Variants in ZNF431 observed in about 807,000 individuals in gnomAD.
ZNF431 encodes zinc finger protein 431.
Under a neutral mutation model 57.0 loss-of-function variants are expected in ZNF431, and 34 were observed. The observed-to-expected ratio is 0.60, with a 90% CI of 0.45 to 0.79. ZNF431 has a LOEUF of 0.79. ZNF431 is among the 30% of genes least tolerant of loss of function. ZNF431 has a pLI of 0.00. For synonymous variants in ZNF431, 207 were observed against 220.3 expected (o/e 0.94, Z 0.54); for missense variants, 607 against 667.1 (o/e 0.91, Z 0.99).
Position 21,182,959 on chromosome 19 carries a change from T to G in ZNF431, c.656T>G (p.Leu219Arg). Reference sequence around the variant, plus strand: ...AAATCATTTTGCATGCTTTTACACCTAAGTCAACATAAAAGAATTCATATT... The same window carrying G: ...AAATCATTTTGCATGCTTTTACACCGAAGTCAACATAAAAGAATTCATATT... ...CGKSFCMLLHLSQHKRIHIRE... is the reference protein window; with the variant it reads ...CGKSFCMLLHRSQHKRIHIRE... The change falls in exon 5 of 5, where the codon CTA (leucine) becomes CGA (arginine). Residue 219 changes from leucine to arginine, a missense_variant. Coordinates refer to ENST00000311048, the MANE Select transcript of ZNF431 (RefSeq NM_133473.4). The G allele has an allele frequency of 1.9e-6, 3 of 1,614,096 alleles. No homozygotes were observed. The highest frequency in any genetic ancestry group is 2.2e-5 in the South Asian group (2 of 91,076).
intron 2 of ZNF431, among the ~76,000 whole-genome samples, chr19:21,165,533 A>G (rs1033452145): frequency 5.3e-5 from 8 of 152,262 alleles, no homozygotes; most frequent in Non-Finnish European, 1.2e-4. Flanking sequence ...GCATCAGCAC[A>G]TCATAGAAAT....
Position 21,176,087 on chromosome 19 carries a change from G to A in ZNF431, c.320-6536G>A, listed in dbSNP as rs148920071. ...TTTCTCCATAGCCTCCCCACCATCT[G>A]TTATTTCTTGATTTTTTAATAATCA... On this transcript the variant is annotated intron_variant, in intron 4 of 4. Transcript: ENST00000311048. 9.8e-3 allele frequency among the ~76,000 whole-genome samples: 1,485 copies of A among 152,248 alleles called. 8 individuals are homozygous for A. Among genetic ancestry groups the A allele is most frequent in the South Asian group, 0.016 (75 of 4,818 alleles).
intron 2 of ZNF431, among the ~76,000 whole-genome samples, chr19:21,157,338 A>G (rs1253903109): frequency 2.0e-5 from 3 of 152,024 alleles, no homozygotes; most frequent in South Asian, 2.1e-4. Context: ...GAGTTTTGCC[A>G]TGGGATTATT....
chr19:21,152,385 A>G (rs933354403), intron 2 of ZNF431, among the ~76,000 whole-genome samples: 7 of 152,132 alleles, frequency 4.6e-5, no homozygotes, highest in African/African-American at 1.4e-4. Context: ...CAACAGTCCC[A>G]TTAACACTTA....
At chr19:21,153,256 A>T (rs1250494995) in intron 2 of ZNF431, among the ~76,000 whole-genome samples, 1 of 152,062 alleles carries the variant, frequency 6.6e-6, no homozygotes, top group African/African-American at 2.4e-5. Flanking sequence ...GGTCTTTATG[A>T]CCTGTATCTT....
rs886800467 is a variant in ZNF431, at chr19:21,187,464, C to T, written c.*3430C>T. ...AAAAAAAAAAAAAAAAAGAGCTGGG[C>T]GTGGTGGCTCACGCCTGTAATCCCA... On this transcript the variant is annotated 3_prime_UTR_variant, in exon 5 of 5. Coordinates refer to ENST00000311048, the MANE Select transcript of ZNF431 (RefSeq NM_133473.4). The T allele has an allele frequency of 5.9e-5, 8 of 136,678 alleles. No homozygotes were observed. Among genetic ancestry groups the T allele is most frequent in the South Asian group, 4.8e-4 (2 of 4,204 alleles). 8.5% of individuals were successfully genotyped at this position (136,678 alleles called of 1,614,324 possible).
At chr19:21,143,512 C>T (rs1347484146) in intron 1 of ZNF431, 39 bp from the exon 2 acceptor site, 2 of 1,503,592 alleles carry the variant, frequency 1.3e-6, no homozygotes, top group East Asian at 2.3e-5. Flanking sequence ...AGCTAAAGTG[C>T]CTAGTGAATA....
chr19:21,144,041 G>C (rs1013098124), intron 2 of ZNF431, among the ~76,000 whole-genome samples: 1 of 151,848 alleles, frequency 6.6e-6, no homozygotes, highest in African/African-American at 2.4e-5. Flanking sequence ...AATCTCCCAA[G>C]TGATTGAATG....
chr19:21,149,996 T>G (rs1970223717), intron 2 of ZNF431: 5 of 587,560 alleles, frequency 8.5e-6, no homozygotes, highest in Non-Finnish European at 1.6e-5. Context: ...CTGAACTTTC[T>G]TTTTCTCCAC....
At position 21,143,650 on chromosome 19, in the gene ZNF431, T is replaced by A. The variant is rs746192252; in HGVS notation, c.96+7T>A. The A allele has an allele frequency of 6.2e-7, 1 of 1,607,906 alleles. No individual in the cohort carries two copies. The highest frequency in any genetic ancestry group is 8.5e-7 in the Non-Finnish European group (1 of 1,174,730). The stretch of plus-strand genomic sequence containing the variant: ...TTACTCTTATTTTGAAAAGGTAACC[T>A]CTTGAGACATTAAAATTGTCTACGC... On this transcript the variant is annotated splice_region_variant and intron_variant, in intron 2 of 4. Transcript: ENST00000311048.
rs1238435812 is a variant in ZNF431 at position 21,194,064 on chromosome 19, A to C, written c.*10030A>C. The stretch of plus-strand genomic sequence containing the variant: ...ATGGCATCCAAATAGGAAAAGAAGA[A>C]GTGAAATTACCTTCACTCATGATAT... On this transcript the variant is annotated 3_prime_UTR_variant, in exon 5 of 5. Transcript: ENST00000311048. 1 of 152,224 alleles carries C rather than the reference A, an allele frequency of 6.6e-6. No homozygotes were observed. Among genetic ancestry groups the C allele is most frequent in the East Asian group, 1.9e-4 (1 of 5,192 alleles). 9.4% of individuals were successfully genotyped at this position (152,224 alleles called of 1,614,324 possible).
intron 4 of ZNF431, among the ~76,000 whole-genome samples, chr19:21,174,692 A>G (rs563882175): frequency 1.3e-5 from 2 of 152,282 alleles, no homozygotes; most frequent in South Asian, 2.1e-4. Context: ...CAAATTGTAT[A>G]CTTTTTAACT....
At chr19:21,155,637 C>G (rs1970397331) in intron 2 of ZNF431, among the ~76,000 whole-genome samples, 1 of 152,026 alleles carries the variant, frequency 6.6e-6, no homozygotes, top group Admixed American at 6.6e-5. Flanking sequence ...AACAGTAGCT[C>G]AGAAGCATAG....
chr19:21,184,239 A>C lies in ZNF431; in HGVS notation c.*205A>C. Reference sequence around the variant, plus strand: ...GTGGCACGTGCCTGTATTCCCATCTACTCGGGAGGCTTAGGCAGGATAATC... The same window carrying C: ...GTGGCACGTGCCTGTATTCCCATCTCCTCGGGAGGCTTAGGCAGGATAATC... On this transcript the variant is annotated 3_prime_UTR_variant, in exon 5 of 5. Coordinates refer to ENST00000311048, the MANE Select transcript of ZNF431 (RefSeq NM_133473.4). 1 of 449,394 alleles carries C rather than the reference A, an allele frequency of 2.2e-6. No homozygotes were observed. Among genetic ancestry groups the C allele is most frequent in the Non-Finnish European group, 3.9e-6 (1 of 256,394 alleles). 27.8% of individuals were successfully genotyped at this position (449,394 alleles called of 1,614,324 possible). A position where few individuals can be genotyped will look rare whatever the true frequency, so the allele number is the denominator to read the frequency against.
intron 2 of ZNF431, among the ~76,000 whole-genome samples, chr19:21,158,162 A>T (rs1970472484): frequency 6.6e-6 from 1 of 152,020 alleles, no homozygotes; most frequent in Admixed American, 6.6e-5. Flanking sequence ...TCTATCTGTG[A>T]GCATAACATG....
In ZNF431 at chr19:21,189,997, A is replaced by G; in HGVS notation, c.*5963A>G. ...CATCTCTACTAAAAATACAAAAACA[A>G]CAAAACAAAAACAAAAAACACCTCA... On this transcript the variant is annotated 3_prime_UTR_variant, in exon 5 of 5. Transcript: ENST00000311048. 1 of 395,798 alleles carries G rather than the reference A, an allele frequency of 2.5e-6. No individual in the cohort carries two copies. The highest frequency in any genetic ancestry group is 4.4e-6 in the Non-Finnish European group (1 of 224,784). The allele number at this position is 395,798 out of a possible 1,614,324, so 24.5% of individuals were successfully genotyped here.
rs1453866561 is a variant in ZNF431 at position 21,192,684 on chromosome 19, CT to C, written c.*8652del. Reference sequence around the variant, plus strand: ...CTTGTTCTAGCTCTTAGAGTAAAAGCTTACAACATATCCCTGTTTAGTATGT... The same window carrying C: ...CTTGTTCTAGCTCTTAGAGTAAAAGCTACAACATATCCCTGTTTAGTATGT... On this transcript the variant is annotated 3_prime_UTR_variant, in exon 5 of 5. Transcript: ENST00000311048. 1 of 152,106 alleles carries C rather than the reference CT, an allele frequency of 6.6e-6. No homozygotes were observed. Among genetic ancestry groups the C allele is most frequent in the African/African-American group, 2.4e-5 (1 of 41,416 alleles). The allele number at this position is 152,106 out of a possible 1,614,324, so 9.4% of individuals were successfully genotyped here. A position where few individuals can be genotyped will look rare whatever the true frequency, so the allele number is the denominator to read the frequency against.
chr19:21,154,623 T>C (rs1353347869), intron 2 of ZNF431, among the ~76,000 whole-genome samples: 1 of 152,162 alleles, frequency 6.6e-6, no homozygotes, highest in Admixed American at 6.5e-5. Flanking sequence ...TGAACTAGTT[T>C]ACAGTCCCAC....
chr19:21,146,397 G>A (rs1970095825), intron 2 of ZNF431, among the ~76,000 whole-genome samples: 1 of 120,340 alleles, frequency 8.3e-6, no homozygotes, highest in Admixed American at 9.2e-5. Context: ...GTGACAGAGT[G>A]ACACTCTGTC....
Sources: gnomAD v4.1 joint callset for allele counts (sites outside exome capture counted in the v4.1 genomes callset) on GRCh38, gnomAD v4.1.1 for gene constraint, MANE v1.5 for transcripts, NCBI Gene and HGNC (gene_info 2026-07-23, HGNC 2026-07-21) for gene names.